ZKSCAN4: variants seen among roughly 807,000 people sequenced by gnomAD.
ZKSCAN4 encodes zinc finger protein with KRAB and SCAN domains 4.
A neutral mutation model predicts 30.8 loss-of-function variants in ZKSCAN4; 23 were observed. The observed-to-expected ratio is 0.75, with a 90% CI of 0.54 to 1.06. The LOEUF is 1.06. Among genes scored for constraint, ZKSCAN4 ranks in the 50% least tolerant of loss-of-function variants. The pLI, the probability that ZKSCAN4 is intolerant of heterozygous loss-of-function variation, is 0.00. For missense variants in ZKSCAN4, 556 were observed against 665.4 expected, an observed-to-expected ratio of 0.84 and a Z score of 1.81; for synonymous variants, 208 against 252.5, an observed-to-expected ratio of 0.82 and a Z score of 1.67.
the ZKSCAN4 span, among the ~76,000 whole-genome samples, chr6:28,258,226 A>T: frequency 4.6e-5 from 7 of 152,236 alleles, no homozygotes. Context: ...CTGTCAAACA[A>T]CTGAGCAGAT....
chr6:28,249,959 AC>A lies in ZKSCAN4; in HGVS notation c.424-126del, dbSNP rs1760917974. ...ATTAACACAATTAATATAGATAACA[AC>A]CCTGTGAGCTATTATTTTGGATTTT... On this transcript the variant is annotated intron_variant, in intron 1 of 4. Transcript: ENST00000377294. This position sits in a 1 kb window ranked among gnomAD's most constrained non-coding sequence, Gnocchi z 4.1. The A allele has an allele frequency of 1.9e-6, 2 of 1,079,262 alleles. No individual in the cohort carries two copies. Among genetic ancestry groups the A allele is most frequent in the Admixed American group, 5.1e-5 (2 of 39,570 alleles). 66.9% of individuals were successfully genotyped at this position (1,079,262 alleles called of 1,614,324 possible).
In ZKSCAN4 at chr6:28,249,749, C is replaced by CACTGGCT; in HGVS notation, c.502_508dup (p.Cys170Ter). The stretch of plus-strand genomic sequence containing the variant: ...CTTGAACAGAGCCTTCATTGGCTGG[C>CACTGGCT]ACTGGCTACTTTGAGACCCTTGAGT... On this transcript the variant is annotated stop_gained and frameshift_variant, in exon 2 of 5. Coordinates refer to ENST00000377294, the MANE Select transcript of ZKSCAN4 (RefSeq NM_019110.5). LOFTEE classifies it high-confidence loss of function. This position sits in a 1 kb window ranked among gnomAD's most constrained non-coding sequence, Gnocchi z 4.1. 1.2e-6 allele frequency: 2 copies of CACTGGCT among 1,614,150 alleles called. No homozygotes were observed. Among genetic ancestry groups the CACTGGCT allele is most frequent in the South Asian group, 2.2e-5 (2 of 91,082 alleles).
Position 28,244,891 on chromosome 6 carries a change from A to G in ZKSCAN4, c.*225T>C, listed in dbSNP as rs537359089. The G allele has an allele frequency of 8.0e-6, 5 of 624,286 alleles. No homozygotes were observed. The East Asian group carries it at 9.2e-5, about 11-fold the overall frequency. The allele number at this position is 624,286 out of a possible 1,614,324, so 38.7% of individuals were successfully genotyped here. ...AGAACAAACTATTTTAGGTCCTACA[A>G]CTTCCAGACCACTCTCCCATGGCCT... On this transcript the variant is annotated 3_prime_UTR_variant, in exon 5 of 5. Coordinates refer to ENST00000377294, the MANE Select transcript of ZKSCAN4 (RefSeq NM_019110.5).
At chr6:28,254,315 G>A (rs953273243), upstream of ZKSCAN4, among the ~76,000 whole-genome samples, 3 of 152,218 alleles carry the variant, frequency 2.0e-5, no homozygotes, top group African/African-American at 7.2e-5. Context: ...TGCAAATTAA[G>A]CACCAGATTA....
chr6:28,251,967 G>A lies in ZKSCAN4; in HGVS notation c.14C>T (p.Pro5Leu). Reference protein sequence around the residue: MAREPRKNAALDAQS... With the variant: MARELRKNAALDAQS... ...GGCGTCCAGGGCTGCGTTTTTTCTC[G>A]GTTCTCTAGCCATTCTGACCCAAGG... The change falls in exon 1 of 5, where the codon CCG becomes CTG. Residue 5 changes from proline (P) to leucine (L), a missense_variant. This residue lies in a region of ZKSCAN4 where 115 missense variants were observed against 125.9 expected (regional missense o/e 0.91). Transcript: ENST00000377294. This position sits in a 1 kb window ranked among gnomAD's most constrained non-coding sequence, Gnocchi z 4.5. 1 of 1,519,844 alleles carries A rather than the reference G, an allele frequency of 6.6e-7. No individual in the cohort carries two copies. Among genetic ancestry groups the A allele is most frequent in the Non-Finnish European group, 8.8e-7 (1 of 1,138,278 alleles). 94.1% of individuals were successfully genotyped at this position (1,519,844 alleles called of 1,614,324 possible).
chr6:28,245,009 T>C lies in ZKSCAN4; in HGVS notation c.*107A>G, dbSNP rs1561855100. 4 of 1,315,888 alleles carry C rather than the reference T, an allele frequency of 3.0e-6. No individual in the cohort carries two copies. The highest frequency in any genetic ancestry group is 2.3e-5 in the East Asian group (1 of 43,436). 81.5% of individuals were successfully genotyped at this position (1,315,888 alleles called of 1,614,324 possible). A position where few individuals can be genotyped will look rare whatever the true frequency, so the allele number is the denominator to read the frequency against. ...ACATTTTCTAATACCCGATGATGTA[T>C]AGTGGTAAATAAAGCCCTGGTCCAC... On this transcript the variant is annotated 3_prime_UTR_variant, in exon 5 of 5. Transcript: ENST00000377294.
intron 3 of ZKSCAN4, among the ~76,000 whole-genome samples, chr6:28,247,839 G>A (rs2113680544): frequency 2.0e-5 from 3 of 152,342 alleles, no homozygotes; most frequent in East Asian, 3.9e-4. Context: ...AAAGATCTGA[G>A]AAGTACAAAG....
Position 28,243,545 on chromosome 6 carries a change from G to T in ZKSCAN4, c.*1571C>A, listed in dbSNP as rs377271793. On this transcript the variant is annotated 3_prime_UTR_variant, in exon 5 of 5. Coordinates refer to ENST00000377294, the MANE Select transcript of ZKSCAN4 (RefSeq NM_019110.5). ...AGATATCAAAAAATTCTTATTTCTT[G>T]TGAATAACTCACAGCATTGAGCCTT... 6.6e-5 allele frequency among the ~76,000 whole-genome samples: 10 copies of T among 152,252 alleles called. No homozygotes were observed. In the South Asian group the frequency reaches 2.1e-3, roughly 32 times the overall value.
At chr6:28,256,693 G>A (rs1761187345), upstream of ZKSCAN4, among the ~76,000 whole-genome samples, 1 of 152,114 alleles carries the variant, frequency 6.6e-6, no homozygotes, top group Non-Finnish European at 1.5e-5. Flanking sequence ...GAAAATAAAA[G>A]CCCATCCTCC....
At chr6:28,252,845 G>T (rs1418278260), upstream of ZKSCAN4, among the ~76,000 whole-genome samples, 1 of 152,070 alleles carries the variant, frequency 6.6e-6, no homozygotes, top group Admixed American at 6.5e-5. Context: ...TGGCAATCAG[G>T]CTTATGCTGC....
chr6:28,254,811 A>G (rs1292864539), upstream of ZKSCAN4, among the ~76,000 whole-genome samples: 3 of 152,220 alleles, frequency 2.0e-5, no homozygotes, highest in Non-Finnish European at 2.9e-5. Flanking sequence ...CAGATTTTAT[A>G]AAGACGTTAA....
chr6:28,248,837 A>G (rs1042023953), intron 2 of ZKSCAN4, among the ~76,000 whole-genome samples: 2 of 150,560 alleles, frequency 1.3e-5, no homozygotes, highest in African/African-American at 4.9e-5. Context: ...AAAAAAAAAA[A>G]AAAAAAAGAA....
Position 28,251,659 on chromosome 6 carries a change from T to G in ZKSCAN4, c.322A>C (p.Asn108His). 3 of 1,614,164 alleles carry G rather than the reference T, an allele frequency of 1.9e-6. No homozygotes were observed. The highest frequency in any genetic ancestry group is 2.5e-6 in the Non-Finnish European group (3 of 1,180,032). ...LEQFLTILPG[N>H]LQSWVREQHP... ...TGCTCCCGCACCCAGCTCTGCAGAT[T>G]CCCCGGCAGGATGGTCAGGAACTGC... The change falls in exon 1 of 5, where the codon AAT (asparagine) becomes CAT (histidine). Residue 108 changes from asparagine (N) to histidine (H), a missense_variant. Coordinates refer to ENST00000377294, the MANE Select transcript of ZKSCAN4 (RefSeq NM_019110.5). The surrounding 1 kb of genome is among the most constrained non-coding windows in gnomAD (Gnocchi z 4.5).
In ZKSCAN4 at chr6:28,245,115, G is replaced by T; in HGVS notation, c.*1C>A. On this transcript the variant is annotated 3_prime_UTR_variant, in exon 5 of 5. Transcript: ENST00000377294. ...ACCAATGTTGGCATGAATACCATGG[G>T]TCACTGTGAAAGAGTTTTTTTCCCT... 6.2e-7 allele frequency: 1 copy of T among 1,614,072 alleles called. No individual in the cohort carries two copies. The highest frequency in any genetic ancestry group is 8.5e-7 in the Non-Finnish European group (1 of 1,179,996).
chr6:28,246,122 AG>A, intron 4 of ZKSCAN4, 147 bp from the exon 5 acceptor site: 1 of 1,102,176 alleles, frequency 9.1e-7, no homozygotes, highest in Non-Finnish European at 1.3e-6. Flanking sequence ...GGGAATAAAA[AG>A]GGAGAACAGG....
In ZKSCAN4 at chr6:28,251,340, T is replaced by C; in HGVS notation, c.423+218A>G. ...TAATTCTTTGCTAACTGTATGTCAA[T>C]ATAGTTGTGTTCTTTTGTAATCCTT... On this transcript the variant is annotated intron_variant, in intron 1 of 4. Transcript: ENST00000377294. This position sits in a 1 kb window ranked among gnomAD's most constrained non-coding sequence, Gnocchi z 4.5. 1 of 711,452 alleles carries C rather than the reference T, an allele frequency of 1.4e-6. No individual in the cohort carries two copies. The highest frequency in any genetic ancestry group is 2.3e-6 in the Non-Finnish European group (1 of 433,232). The allele number at this position is 711,452 out of a possible 1,614,324, so 44.1% of individuals were successfully genotyped here.
chr6:28,254,808 T>C (rs1761134240), upstream of ZKSCAN4, among the ~76,000 whole-genome samples: 1 of 152,262 alleles, frequency 6.6e-6, no homozygotes, highest in South Asian at 2.1e-4. Flanking sequence ...ACACAGATTT[T>C]ATAAAGACGT....
rs1177182477 is a variant in ZKSCAN4 at position 28,244,471 on chromosome 6, T to C, written c.*645A>G. Among the ~76,000 whole-genome samples, 1 of 152,166 alleles carries C rather than the reference T, an allele frequency of 6.6e-6. No individual in the cohort carries two copies. Among genetic ancestry groups the C allele is most frequent in the African/African-American group, 2.4e-5 (1 of 41,414 alleles). ...ATTCTTCTCATCTCTACTATCATGG[T>C]AGAGAAATATGGATTCCCCCACCCC... On this transcript the variant is annotated 3_prime_UTR_variant, in exon 5 of 5. Coordinates refer to ENST00000377294, the MANE Select transcript of ZKSCAN4 (RefSeq NM_019110.5).
intron 1 of ZKSCAN4, among the ~76,000 whole-genome samples, chr6:28,250,172 A>G (rs906116201): frequency 1.3e-4 from 20 of 151,892 alleles, no homozygotes; most frequent in Non-Finnish European, 2.2e-4. Context: ...GGTTCAAGCA[A>G]TTCTCCTGCC....
Sources: allele counts gnomAD v4.1 joint callset (sites outside exome capture counted in the v4.1 genomes callset), GRCh38; gene constraint gnomAD v4.1.1; regional missense constraint gnomAD v4.1.1; non-coding constraint Gnocchi (gnomAD v3.1); transcripts MANE v1.5; gene names NCBI Gene and HGNC (gene_info 2026-07-23, HGNC 2026-07-21).